Variants in PLAAT3 observed in about 807,000 individuals in gnomAD.
PLAAT3 encodes phospholipase A and acyltransferase 3, also known as Ca-independent phospholipase A1/2.
PLAAT3 carries 21 observed loss-of-function variants against 16.7 expected under a neutral mutation model. The observed-to-expected ratio is 1.26, with a 90% CI of 0.89 to 1.81. PLAAT3 has a LOEUF of 1.81. PLAAT3 is among the 40% of genes most tolerant of loss of function. The pLI is 0.00. For synonymous variants in PLAAT3, 76 were observed against 81.7 expected (o/e 0.93, Z 0.38); for missense variants, 219 against 213.7 (o/e 1.02, Z -0.16).
chr11:63,576,630 T>C (rs1358556108), intron 4 of PLAAT3, among the ~76,000 whole-genome samples: 1 of 152,188 alleles, frequency 6.6e-6, no homozygotes, highest in Non-Finnish European at 1.5e-5. Context: ...TGAGGTACTG[T>C]TTATATAAAT....
At chr11:63,584,583 G>A (rs1054151426) in intron 4 of PLAAT3, among the ~76,000 whole-genome samples, 4 of 148,122 alleles carry the variant, frequency 2.7e-5, no homozygotes, top group Non-Finnish European at 4.4e-5. Context: ...GTGCAATCTC[G>A]GCTCACTGCA....
chr11:63,615,350 GTA>G (rs762360963), upstream of PLAAT3, among the ~76,000 whole-genome samples: 49 of 101,364 alleles, frequency 4.8e-4, 3 homozygotes, highest in African/African-American at 1.4e-3. Context: ...ATATATGTGT[GTA>G]TATATATGTG....
intron 2 of PLAAT3, among the ~76,000 whole-genome samples, chr11:63,607,310 C>T (rs2134430482): frequency 6.6e-6 from 1 of 152,132 alleles, no homozygotes; most frequent in African/African-American, 2.4e-5. Flanking sequence ...GAGGATCATC[C>T]GTGTTCCTTA....
chr11:63,577,621 G>A (rs1258176162), intron 4 of PLAAT3, among the ~76,000 whole-genome samples: 1 of 151,826 alleles, frequency 6.6e-6, no homozygotes, highest in African/African-American at 2.4e-5. Flanking sequence ...AACAACTATA[G>A]CTTCTCAGTC....
chr11:63,604,524 AG>A (rs1286402975), intron 2 of PLAAT3, among the ~76,000 whole-genome samples: 1 of 152,038 alleles, frequency 6.6e-6, no homozygotes, highest in Admixed American at 6.6e-5. Context: ...GCACTTTGGG[AG>A]GCCAAGGAAG....
intron 4 of PLAAT3, among the ~76,000 whole-genome samples, chr11:63,580,374 G>A (rs1012500680): frequency 6.6e-5 from 10 of 152,168 alleles, no homozygotes; most frequent in African/African-American, 1.7e-4. Context: ...AGAAATTATC[G>A]GCCAGGTGTG....
chr11:63,583,860 C>T (rs1205541902), intron 4 of PLAAT3, among the ~76,000 whole-genome samples: 1 of 152,012 alleles, frequency 6.6e-6, no homozygotes, highest in Non-Finnish European at 1.5e-5. Context: ...ATTTATACTA[C>T]AAAGCTCTTC....
chr11:63,607,242 C>G (rs1226973895), intron 2 of PLAAT3, among the ~76,000 whole-genome samples: 1 of 152,084 alleles, frequency 6.6e-6, no homozygotes, highest in South Asian at 2.1e-4. Context: ...GGTATCCCAA[C>G]GAGAGGCGGG....
intron 4 of PLAAT3, among the ~76,000 whole-genome samples, chr11:63,580,446 G>A (rs1937775092): frequency 6.6e-6 from 1 of 152,164 alleles, no homozygotes; most frequent in Admixed American, 6.5e-5. Flanking sequence ...ACGAGGTCAG[G>A]AGTTCGAGAC....
intron 4 of PLAAT3, among the ~76,000 whole-genome samples, chr11:63,578,627 T>C (rs919132324): frequency 1.1e-4 from 17 of 151,886 alleles, no homozygotes; most frequent in Non-Finnish European, 2.4e-4. Flanking sequence ...GGGGAAAGGA[T>C]TCCCTATTTA....
chr11:63,578,920 T>G lies in PLAAT3; in HGVS notation c.388-3874A>C, dbSNP rs912254823. Reference sequence around the variant, plus strand: ...TTCTGCACAGCAAAAGAAACTACCGTCAGAGTGAACAGGCAACCTACAGAA... The same window carrying G: ...TTCTGCACAGCAAAAGAAACTACCGGCAGAGTGAACAGGCAACCTACAGAA... On this transcript the variant is annotated intron_variant, in intron 4 of 4. Coordinates refer to ENST00000415826, the MANE Select transcript of PLAAT3 (RefSeq NM_001128203.2). 4.3e-4 allele frequency among the ~76,000 whole-genome samples: 66 copies of G among 152,066 alleles called. 1 individual carries two copies. Among genetic ancestry groups the G allele is most frequent in the Non-Finnish European group, 6.3e-4 (43 of 67,998 alleles).
chr11:63,598,748 A>T (rs1255989771), intron 2 of PLAAT3: 1 of 516,984 alleles, frequency 1.9e-6, no homozygotes, highest in Middle Eastern at 3.3e-4. Flanking sequence ...GGCATTCCAC[A>T]GACACTCCCC....
chr11:63,588,977 CAA>C (rs58090843), intron 4 of PLAAT3, among the ~76,000 whole-genome samples: 29 of 46,894 alleles, frequency 6.2e-4, no homozygotes, highest in African/African-American at 1.4e-3. Flanking sequence ...ATGAGCCAAG[CAA>C]AAAAAAAAAA....
At chr11:63,615,676 G>GT (rs753670922), upstream of PLAAT3, among the ~76,000 whole-genome samples, 2,938 of 140,950 alleles carry the variant, frequency 0.021, 24 homozygotes, top group Middle Eastern at 0.029. Flanking sequence ...GGGGTTTTTT[G>GT]TTTTTTTTTT....
chr11:63,605,551 T>C (rs1938533136), intron 2 of PLAAT3, among the ~76,000 whole-genome samples: 1 of 152,082 alleles, frequency 6.6e-6, no homozygotes, highest in South Asian at 2.1e-4. Context: ...TTCTTTGTTT[T>C]TGTTTTTGTT....
At chr11:63,601,155 T>C (rs754170801) in intron 2 of PLAAT3, among the ~76,000 whole-genome samples, 5 of 146,090 alleles carry the variant, frequency 3.4e-5, no homozygotes, top group Non-Finnish European at 7.6e-5. Flanking sequence ...CCCGGGTTCA[T>C]GTCATTCTCC....
At chr11:63,611,450 G>A (rs537885834) in intron 2 of PLAAT3, among the ~76,000 whole-genome samples, 1 of 152,240 alleles carries the variant, frequency 6.6e-6, no homozygotes, top group East Asian at 1.9e-4. Flanking sequence ...ATACATGTGA[G>A]CCACCAATTA....
At chr11:63,615,084 A>ATGTG (rs1190056180), upstream of PLAAT3, among the ~76,000 whole-genome samples, 87 of 122,070 alleles carry the variant, frequency 7.1e-4, no homozygotes, top group Non-Finnish European at 1.2e-3. Flanking sequence ...ATGTGTGTAT[A>ATGTG]TATGTGTATA....
chr11:63,607,923 A>G (rs959395194), intron 2 of PLAAT3, among the ~76,000 whole-genome samples: 11 of 152,042 alleles, frequency 7.2e-5, no homozygotes, highest in African/African-American at 2.7e-4. Flanking sequence ...ACAGTGGCTC[A>G]CGCCTGTAAT....
Sources: allele counts gnomAD v4.1 joint callset (sites outside exome capture counted in the v4.1 genomes callset), GRCh38; gene constraint gnomAD v4.1.1; transcripts MANE v1.5; gene names NCBI Gene and HGNC (gene_info 2026-07-23, HGNC 2026-07-21).